The following LATS2 variants were observed in gnomAD, a reference collection of about 807,000 sequenced individuals.
LATS2 encodes large tumor suppressor kinase 2.
A neutral mutation model predicts 76.0 loss-of-function variants in LATS2; 24 were observed. That is an observed-to-expected ratio of 0.32 (90% CI 0.23 to 0.44). LATS2 has a LOEUF of 0.44. Ranked by LOEUF, LATS2 falls within the 20% of genes least tolerant of loss-of-function variation. The probability of loss-of-function intolerance (pLI) is 1.00; values close to 1 mark genes in which losing one functional copy is unlikely to be tolerated. For synonymous variants in LATS2, 692 were observed against 635.4 expected, an observed-to-expected ratio of 1.09 and a Z score of -1.34; for missense variants, 1,286 against 1,481.2, an observed-to-expected ratio of 0.87 and a Z score of 2.16.
At chr13:20,975,452 T>C (rs1595206498) in intron 7 of LATS2, 88 bp from the exon 8 acceptor site, 15 of 1,366,102 alleles carry the variant, frequency 1.1e-5, no homozygotes, top group African/African-American at 1.5e-5. Context: ...CTTTCAAATA[T>C]GTTTAGTTTC....
intron 1 of LATS2, among the ~76,000 whole-genome samples, chr13:21,056,340 G>C (rs1375696438): frequency 6.6e-6 from 1 of 151,944 alleles, no homozygotes. Flanking sequence ...TGCCCAGCCA[G>C]AGTATCACTT....
At chr13:20,997,759 A>G (rs1487474101) in intron 2 of LATS2, among the ~76,000 whole-genome samples, 3 of 152,350 alleles carry the variant, frequency 2.0e-5, no homozygotes, top group African/African-American at 7.2e-5. Flanking sequence ...TCTACCGCTC[A>G]GCTCTTAGCA....
At chr13:21,007,683 G>C (rs55974218) in intron 2 of LATS2, among the ~76,000 whole-genome samples, 15 of 352 alleles carry the variant, frequency 0.043, 4 homozygotes, top group African/African-American at 0.053. Context: ...TATATATATA[G>C]TATATATATA....
At chr13:20,982,268 G>A (rs1160194534) in intron 5 of LATS2, among the ~76,000 whole-genome samples, 3 of 152,200 alleles carry the variant, frequency 2.0e-5, no homozygotes, top group Non-Finnish European at 2.9e-5. Context: ...ATAGATGCAG[G>A]TTGGCTATAA....
At position 20,989,319 on chromosome 13, in the gene LATS2, A is replaced by G; in HGVS notation, c.476-15T>C. ...GAGCCCCTTTCCTGCAGTGGAAAAA[A>G]CAGGAAGACAGCATCAGAGTGGGTG... is the stretch of plus-strand genomic sequence containing the variant. On this transcript the variant is annotated splice_polypyrimidine_tract_variant and intron_variant, in intron 3 of 7. Coordinates refer to ENST00000382592, the MANE Select transcript of LATS2 (RefSeq NM_014572.3). The G allele has an allele frequency of 1.9e-6, 3 of 1,613,240 alleles. No individual in the cohort carries two copies. The highest frequency in any genetic ancestry group is 2.5e-6 in the Non-Finnish European group (3 of 1,179,910).
At chr13:20,984,659 A>C (rs1176945147) in intron 4 of LATS2, among the ~76,000 whole-genome samples, 1 of 152,206 alleles carries the variant, frequency 6.6e-6, no homozygotes, top group Non-Finnish European at 1.5e-5. Context: ...CAAAACACTG[A>C]AGAAAGAAAC....
At chr13:20,996,622 C>T (rs1399380001) in intron 2 of LATS2, among the ~76,000 whole-genome samples, 1 of 152,134 alleles carries the variant, frequency 6.6e-6, no homozygotes, top group Non-Finnish European at 1.5e-5. Flanking sequence ...CTCAGGTGAT[C>T]CACCTGCCTC....
intron 2 of LATS2, among the ~76,000 whole-genome samples, chr13:21,023,657 AAAAAAAAAAAAAAAAAAAAAAAAAAAC>A (rs1400253240): frequency 5.3e-4 from 15 of 28,228 alleles, no homozygotes; most frequent in Admixed American, 8.6e-4. Flanking sequence ...AAAAAAAAAA[AAAAAAAAAAAAAAAAAAAAAAAAAAAC>A]AAACCTCGGC....
chr13:21,042,841 G>A (rs1349244104), intron 2 of LATS2, among the ~76,000 whole-genome samples: 4 of 151,708 alleles, frequency 2.6e-5, no homozygotes, highest in Admixed American at 1.3e-4. Flanking sequence ...AAAATTAGCC[G>A]GGCGTGGTGG....
intron 2 of LATS2, among the ~76,000 whole-genome samples, chr13:21,043,682 C>G (rs1233782296): frequency 6.6e-6 from 1 of 152,188 alleles, no homozygotes; most frequent in Non-Finnish European, 1.5e-5. Flanking sequence ...ATGATCCTTA[C>G]TTTTAGTGTA....
Position 20,982,780 on chromosome 13 carries a change from T to C in LATS2, c.2482+444A>G, listed in dbSNP as rs750600828. ...GCGGAGGCAGGCGGATCACCTGAGG[T>C]TGGGAGTTTGAGACCAGCCTGACCA... On this transcript the variant is annotated intron_variant, in intron 5 of 7. Transcript: ENST00000382592. Among the ~76,000 whole-genome samples the C allele has an allele frequency of 7.3e-4, 109 of 149,192 alleles. 1 individual carries two copies. The highest frequency in any genetic ancestry group is 6.8e-3 in the Middle Eastern group (2 of 294).
intron 2 of LATS2, among the ~76,000 whole-genome samples, chr13:21,028,292 G>A (rs1595244889): frequency 6.6e-6 from 1 of 152,062 alleles, no homozygotes. Flanking sequence ...GTATTCCATG[G>A]TGTATATGTG....
chr13:21,022,645 G>A (rs1040474518), intron 2 of LATS2, among the ~76,000 whole-genome samples: 3 of 152,118 alleles, frequency 2.0e-5, no homozygotes, highest in Non-Finnish European at 4.4e-5. Flanking sequence ...GTGCTTTTAG[G>A]AATCCCGCGT....
Position 20,988,236 on chromosome 13 carries a change from G to A in LATS2, c.1544C>T (p.Pro515Leu), listed in dbSNP as rs747960003. The A allele has an allele frequency of 1.2e-6, 2 of 1,605,302 alleles. No homozygotes were observed. The highest frequency in any genetic ancestry group is 1.7e-6 in the Non-Finnish European group (2 of 1,179,212). The change falls in exon 4 of 8, where the codon CCT (proline) becomes CTT (leucine). Residue 515 changes from proline (P) to leucine (L), a missense_variant. Around this residue, in one of 5 missense-constraint regions of LATS2, gnomAD observed 710 missense variants for 660.9 expected, o/e 1.07. Coordinates refer to ENST00000382592, the MANE Select transcript of LATS2 (RefSeq NM_014572.3). ...CAGCAGGTGCTTCGGGTAGGGCGGA[G>A]GCGGGCACCTCCGGTCTGGGCCTCC... ...EYGGPDRRCP[P>L]PPYPKHLLLR...
At chr13:20,982,001 A>G (rs1393238760) in intron 5 of LATS2, among the ~76,000 whole-genome samples, 1 of 152,228 alleles carries the variant, frequency 6.6e-6, no homozygotes, top group East Asian at 1.9e-4. Flanking sequence ...AAAGGTAACA[A>G]CTGCCTGACA....
At chr13:21,007,348 A>G (rs1185333235) in intron 2 of LATS2, among the ~76,000 whole-genome samples, 1 of 150,154 alleles carries the variant, frequency 6.7e-6, no homozygotes, top group African/African-American at 2.5e-5. Flanking sequence ...GAATGTCAGG[A>G]CATGCATCCT....
At chr13:21,059,687 G>A (rs1317667698) in intron 1 of LATS2, among the ~76,000 whole-genome samples, 5 of 148,372 alleles carry the variant, frequency 3.4e-5, no homozygotes, top group African/African-American at 1.2e-4. Context: ...CTTGTCAGGT[G>A]GGGCGCGGTG....
At chr13:21,049,013 A>C (rs1050774115) in intron 1 of LATS2, among the ~76,000 whole-genome samples, 6 of 152,182 alleles carry the variant, frequency 3.9e-5, no homozygotes, top group African/African-American at 1.2e-4. Context: ...GAGAATAAAA[A>C]AGAAAGAGCT....
intron 3 of LATS2, 147 bp from the exon 4 acceptor site, chr13:20,989,451 AG>A: frequency 1.2e-6 from 1 of 801,062 alleles, no homozygotes; most frequent in South Asian, 1.7e-5. Context: ...TGCCCAGCAC[AG>A]GGTCAGTGGA....
Sources: allele counts gnomAD v4.1 joint callset (sites outside exome capture counted in the v4.1 genomes callset), GRCh38; gene constraint gnomAD v4.1.1; regional missense constraint gnomAD v4.1.1; transcripts MANE v1.5; gene names NCBI Gene and HGNC (gene_info 2026-07-23, HGNC 2026-07-21).